The following ATP10B variants were observed in gnomAD, a reference collection of about 807,000 sequenced individuals.
ATP10B encodes the protein phospholipid-transporting ATPase VB.
ATP10B carries 122 observed loss-of-function variants against 141.2 expected under a neutral mutation model. The observed-to-expected ratio is 0.86, with a 90% CI of 0.75 to 1.00. The LOEUF (loss-of-function observed/expected upper bound fraction) is 1.00. ATP10B is among the 50% of genes least tolerant of loss of function. ATP10B has a pLI of 0.00. For synonymous variants in ATP10B, 685 were observed against 692.0 expected (o/e 0.99, Z 0.16); for missense variants, 1,876 against 1,825.3 (o/e 1.03, Z -0.51).
At chr5:160,625,288 G>C (rs894209609) in intron 13 of ATP10B, among the ~76,000 whole-genome samples, 1 of 152,110 alleles carries the variant, frequency 6.6e-6, no homozygotes, top group Non-Finnish European at 1.5e-5. Flanking sequence ...TACCACCCAG[G>C]GTCTTTAGTG....
chr5:160,818,032 A>T (rs1467189516), intron 1 of ATP10B, among the ~76,000 whole-genome samples: 4 of 152,232 alleles, frequency 2.6e-5, no homozygotes, highest in Non-Finnish European at 5.9e-5. Flanking sequence ...GTTAGACTTA[A>T]AACCATAAAA....
intron 17 of ATP10B, 107 bp from the exon 18 acceptor site, chr5:160,613,032 G>A (rs1581200658): frequency 9.3e-7 from 1 of 1,070,758 alleles, no homozygotes; most frequent in East Asian, 2.6e-5. Context: ...TAGCATCACT[G>A]TGCTAGGCTG....
chr5:160,836,324 G>A (rs556433646), intron 1 of ATP10B, among the ~76,000 whole-genome samples: 2 of 151,978 alleles, frequency 1.3e-5, no homozygotes, highest in African/African-American at 2.4e-5. Context: ...AAAATTTTAA[G>A]TTTTTTCATT....
At chr5:160,651,520 G>A (rs2127691324) in intron 7 of ATP10B, among the ~76,000 whole-genome samples, 2 of 152,100 alleles carry the variant, frequency 1.3e-5, no homozygotes, top group East Asian at 3.9e-4. Context: ...CAGAATCTAT[G>A]TGTTAAAGTG....
At chr5:160,664,982 G>A (rs537930266) in intron 7 of ATP10B, among the ~76,000 whole-genome samples, 7 of 152,270 alleles carry the variant, frequency 4.6e-5, no homozygotes, top group African/African-American at 1.2e-4. Flanking sequence ...AAAACTGTAC[G>A]TTTGAATTCT....
intron 13 of ATP10B, among the ~76,000 whole-genome samples, chr5:160,630,036 C>T (rs1194738452): frequency 6.6e-6 from 1 of 152,226 alleles, no homozygotes; most frequent in Non-Finnish European, 1.5e-5. Flanking sequence ...CATTTCCTAA[C>T]TCTTAGCCCA....
At chr5:160,881,743 G>A in the ATP10B span, among the ~76,000 whole-genome samples, 1 of 152,060 alleles carries the variant, frequency 6.6e-6, no homozygotes, top group African/African-American at 2.4e-5. Flanking sequence ...AGCGGGAGGT[G>A]GAGCTTGCAG....
chr5:160,572,188 G>GTC (rs1554090959), intron 24 of ATP10B, among the ~76,000 whole-genome samples: 1 of 150,894 alleles, frequency 6.6e-6, no homozygotes, highest in African/African-American at 2.4e-5. Context: ...CTTTTAAAGA[G>GTC]TTTTTTTTTC....
At chr5:160,590,451 C>T (rs958061587) in intron 23 of ATP10B, among the ~76,000 whole-genome samples, 8 of 152,140 alleles carry the variant, frequency 5.3e-5, no homozygotes, top group African/African-American at 1.7e-4. Context: ...CATCCTGTTC[C>T]GTGTGTCCAG....
At chr5:160,787,224 T>C (rs1771233922) in intron 1 of ATP10B, among the ~76,000 whole-genome samples, 1 of 151,782 alleles carries the variant, frequency 6.6e-6, no homozygotes, top group Admixed American at 6.6e-5. Flanking sequence ...ATTAAAAAAT[T>C]CCAAAAGGCT....
chr5:160,884,246 T>C, the ATP10B span, among the ~76,000 whole-genome samples: 2 of 152,112 alleles, frequency 1.3e-5, no homozygotes, highest in African/African-American at 4.8e-5. Flanking sequence ...CTTAATGTTG[T>C]ACTTGTTGAA....
intron 17 of ATP10B, among the ~76,000 whole-genome samples, chr5:160,615,243 C>A (rs76588833): frequency 6.6e-6 from 1 of 152,202 alleles, no homozygotes. Flanking sequence ...TGTTTCCCCC[C>A]AGCCCGGGAC....
chr5:160,601,503 C>T (rs1757095834), intron 21 of ATP10B, among the ~76,000 whole-genome samples: 1 of 152,176 alleles, frequency 6.6e-6, no homozygotes, highest in Non-Finnish European at 1.5e-5. Context: ...TTCCTATTCC[C>T]ATTGTTAATA....
In ATP10B at chr5:160,612,890, C is replaced by T. The variant is rs1341579460; in HGVS notation, c.2689G>A (p.Val897Ile). 1 of 1,613,790 alleles carries T rather than the reference C, an allele frequency of 6.2e-7. No homozygotes were observed. ...CGCAGAGTGGCAATCGTATCTGGAA[C>T]TCCTTCCTGCAGCCGGTCTTCGATC... ...TGIEDRLQEG[V>I]PDTIATLREA... The change falls in exon 18 of 26, where the codon GTT becomes ATT. Residue 897 changes from valine (V) to isoleucine (I), a missense_variant. Val to Ile is a conservative substitution (Grantham distance 29, BLOSUM62 3). Transcript: ENST00000327245.
intron 2 of ATP10B, among the ~76,000 whole-genome samples, chr5:160,722,922 C>T (rs1766084291): frequency 6.6e-6 from 1 of 152,196 alleles, no homozygotes; most frequent in Non-Finnish European, 1.5e-5. Context: ...GCATTGATTT[C>T]AGCTTCATAC....
Position 160,565,666 on chromosome 5 carries a change from C to T in ATP10B, c.4173G>A (p.Lys1391=). The T allele has an allele frequency of 6.2e-7, 1 of 1,614,138 alleles. No individual in the cohort carries two copies. The highest frequency in any genetic ancestry group is 1.1e-5 in the South Asian group (1 of 91,082). The change falls in exon 26 of 26, where the codon AAG becomes AAA. Residue 1391 remains lysine (K), a synonymous_variant. Transcript: ENST00000327245. The stretch of plus-strand genomic sequence containing the variant: ...CGTGGAGTACTGACTCTTCCACATG[C>T]TTCCTCTTGGGAGGGTTAGAGCTCT... ...TPKSSNPPKR[K]HVEESVLHEQ... is the part of the protein sequence containing the mutation.
At chr5:160,662,002 T>C (rs1406118856) in intron 7 of ATP10B, among the ~76,000 whole-genome samples, 1 of 152,110 alleles carries the variant, frequency 6.6e-6, no homozygotes, top group Admixed American at 6.5e-5. Flanking sequence ...TATACACCAA[T>C]AACAGACAAA....
chr5:160,892,674 C>T, the ATP10B span, among the ~76,000 whole-genome samples: 1 of 152,106 alleles, frequency 6.6e-6, no homozygotes, highest in Admixed American at 6.6e-5. Context: ...CCCTGGTATC[C>T]AAACTGTCTC....
intron 8 of ATP10B, among the ~76,000 whole-genome samples, chr5:160,648,742 A>T (rs549874365): frequency 6.6e-6 from 1 of 152,224 alleles, no homozygotes; most frequent in Non-Finnish European, 1.5e-5. Context: ...AGGTGAATTA[A>T]TTTACCCAAG....
Sources: gnomAD v4.1 joint callset for allele counts (sites outside exome capture counted in the v4.1 genomes callset) on GRCh38, gnomAD v4.1.1 for gene constraint, MANE v1.5 for transcripts, NCBI Gene and HGNC (gene_info 2026-07-23, HGNC 2026-07-21) for gene names.